Variants in HHAT observed in about 807,000 individuals in gnomAD.
HHAT encodes the protein protein-cysteine N-palmitoyltransferase HHAT.
HHAT carries 47 observed loss-of-function variants against 70.8 expected under a neutral mutation model. The ratio of observed to expected loss-of-function variants is 0.66; its 90% confidence interval spans 0.53 to 0.85. HHAT has a LOEUF of 0.85. Ranked by LOEUF, HHAT falls within the 40% of genes least tolerant of loss-of-function variation. The pLI is 0.00. For synonymous variants in HHAT, 228 were observed against 247.6 expected, an observed-to-expected ratio of 0.92 and a Z score of 0.74; for missense variants, 609 against 604.8, an observed-to-expected ratio of 1.01 and a Z score of -0.07.
chr1:210,579,698 A>T (rs1658758043), intron 9 of HHAT, among the ~76,000 whole-genome samples: 1 of 152,196 alleles, frequency 6.6e-6, no homozygotes, highest in Non-Finnish European at 1.5e-5. Context: ...CCAAGGTCAC[A>T]TCTTCTAGCT....
intron 3 of HHAT, among the ~76,000 whole-genome samples, chr1:210,382,952 C>A (rs1435113412): frequency 1.3e-5 from 2 of 150,970 alleles, no homozygotes; most frequent in Non-Finnish European, 2.9e-5. Flanking sequence ...CTGCCCCTTA[C>A]TAGGTTTGGA....
At position 210,362,939 on chromosome 1, in the gene HHAT, TA is replaced by T. The variant is rs780241617; in HGVS notation, c.159+23del. 3 of 1,556,038 alleles carry T rather than the reference TA, an allele frequency of 1.9e-6. No individual in the cohort carries two copies. Among genetic ancestry groups the T allele is most frequent in the South Asian group, 1.1e-5 (1 of 89,618 alleles). ...AAGAAGGTACAAAGTGGATGCATAA[TA>T]AATCTCAGTTTTCAAACCTGATTTC... On this transcript the variant is annotated intron_variant, in intron 3 of 11. Coordinates refer to ENST00000261458, the MANE Select transcript of HHAT (RefSeq NM_018194.6).
chr1:210,565,483 G>A lies in HHAT; in HGVS notation c.1044-22415G>A, dbSNP rs749095876. ...AATATATGGTTAGGAAAACAATGTGGCATTCCTAGTCTGTTCTTCATTATT... is the reference window on the plus strand; with the variant it reads ...AATATATGGTTAGGAAAACAATGTGACATTCCTAGTCTGTTCTTCATTATT... On this transcript the variant is annotated intron_variant, in intron 9 of 11. Coordinates refer to ENST00000261458, the MANE Select transcript of HHAT (RefSeq NM_018194.6). Among the ~76,000 whole-genome samples the A allele has an allele frequency of 2.6e-5, 4 of 152,274 alleles. No homozygotes were observed. In the South Asian group the frequency reaches 6.2e-4, roughly 24 times the overall value.
intron 9 of HHAT, among the ~76,000 whole-genome samples, chr1:210,542,131 A>G (rs993284582): frequency 5.9e-5 from 9 of 152,312 alleles, no homozygotes; most frequent in Non-Finnish European, 8.8e-5. Flanking sequence ...GTGAAATTCA[A>G]ACTGTTTCAA....
At chr1:210,391,877 T>C (rs1381795083) in intron 4 of HHAT, among the ~76,000 whole-genome samples, 6 of 152,104 alleles carry the variant, frequency 3.9e-5, no homozygotes, top group East Asian at 3.9e-4. Flanking sequence ...GATTTTTTTT[T>C]CCCCCCTTTA....
intron 11 of HHAT, among the ~76,000 whole-genome samples, chr1:210,637,855 T>A: frequency 7.2e-5 from 2 of 27,640 alleles, no homozygotes; most frequent in Non-Finnish European, 1.1e-4. Flanking sequence ...TGAGACTCCG[T>A]CTCAAAAAAA....
At chr1:210,545,025 C>A (rs1393491664) in intron 9 of HHAT, among the ~76,000 whole-genome samples, 1 of 152,000 alleles carries the variant, frequency 6.6e-6, no homozygotes, top group Non-Finnish European at 1.5e-5. Context: ...ATCTAGTCAA[C>A]ATCCACATGT....
intron 10 of HHAT, among the ~76,000 whole-genome samples, chr1:210,599,383 A>G (rs1297868014): frequency 1.3e-5 from 2 of 152,078 alleles, no homozygotes; most frequent in African/African-American, 4.8e-5. Flanking sequence ...CACCTCATAT[A>G]TACAACTGGC....
chr1:210,470,791 T>G (rs144780090), intron 8 of HHAT, among the ~76,000 whole-genome samples: 1 of 152,328 alleles, frequency 6.6e-6, no homozygotes, highest in Non-Finnish European at 1.5e-5. Context: ...GCCACAGATC[T>G]AGAGCCTGAA....
Position 210,638,722 on chromosome 1 carries a change from C to CAAAAAA in HHAT, c.1390+15071_1390+15076dup, listed in dbSNP as rs71146238. On this transcript the variant is annotated intron_variant, in intron 11 of 11. Transcript: ENST00000261458. ...GCAACATAGAGAGACCCTGTATTTA[C>CAAAAAA]AAAAAAAAAAAAAAAAAAAAAAAAT... is the stretch of plus-strand genomic sequence containing the variant. 4.2e-5 allele frequency among the ~76,000 whole-genome samples: 4 copies of CAAAAAA among 95,264 alleles called. 1 individual carries two copies. Among genetic ancestry groups the CAAAAAA allele is most frequent in the South Asian group, 4.2e-4 (1 of 2,406 alleles). 62.5% of individuals were successfully genotyped at this position (95,264 alleles called of 152,430 possible).
intron 7 of HHAT, among the ~76,000 whole-genome samples, chr1:210,420,544 C>CCCTAATGCT (rs1351412968): frequency 6.6e-6 from 1 of 152,032 alleles, no homozygotes; most frequent in Non-Finnish European, 1.5e-5. Flanking sequence ...ATACATTTTG[C>CCCTAATGCT]CCTAATGCTA....
At chr1:210,601,554 G>C (rs1185974040) in intron 10 of HHAT, among the ~76,000 whole-genome samples, 1 of 152,020 alleles carries the variant, frequency 6.6e-6, no homozygotes, top group Non-Finnish European at 1.5e-5. Context: ...AGTCAACGTG[G>C]CTATTCATTT....
intron 7 of HHAT, among the ~76,000 whole-genome samples, chr1:210,421,179 G>A (rs1417592132): frequency 6.6e-6 from 1 of 152,050 alleles, no homozygotes; most frequent in East Asian, 1.9e-4. Context: ...AATAGCCAAA[G>A]CAATCTGAGC....
intron 8 of HHAT, among the ~76,000 whole-genome samples, chr1:210,512,163 C>T (rs2094966035): frequency 1.3e-5 from 2 of 152,134 alleles, no homozygotes; most frequent in Admixed American, 1.3e-4. Context: ...AAGTCAGGCT[C>T]CCCAGCTAGC....
At chr1:210,629,571 AG>A (rs1162097106) in intron 11 of HHAT, among the ~76,000 whole-genome samples, 1 of 152,230 alleles carries the variant, frequency 6.6e-6, no homozygotes, top group African/African-American at 2.4e-5. Context: ...TACAGTTCCG[AG>A]GACCAGAAGT....
At chr1:210,459,858 G>A (rs1345697825) in intron 7 of HHAT, among the ~76,000 whole-genome samples, 1 of 152,194 alleles carries the variant, frequency 6.6e-6, no homozygotes, top group Non-Finnish European at 1.5e-5. Context: ...TCTGTTGGTT[G>A]ACTGTACTTG....
chr1:210,649,784 G>C (rs1308105120), intron 11 of HHAT, among the ~76,000 whole-genome samples: 1 of 152,218 alleles, frequency 6.6e-6, no homozygotes, highest in African/African-American at 2.4e-5. Context: ...TACCGACAGA[G>C]CCAACAATGC....
Position 210,457,945 on chromosome 1 carries a change from G to C in HHAT, c.857-6560G>C, listed in dbSNP as rs12025490. Among the ~76,000 whole-genome samples, 1,195 of 152,070 alleles carry C rather than the reference G, an allele frequency of 7.9e-3. 19 individuals are homozygous for C. Among genetic ancestry groups the C allele is most frequent in the African/African-American group, 0.027 (1,138 of 41,460 alleles). On this transcript the variant is annotated intron_variant, in intron 7 of 11. Coordinates refer to ENST00000261458, the MANE Select transcript of HHAT (RefSeq NM_018194.6). Reference sequence around the variant, plus strand: ...GTAATCTGGCAGACAATATCAGCAAGTACAAAAAGACCTGTAAGGTAATGA... The same window carrying C: ...GTAATCTGGCAGACAATATCAGCAACTACAAAAAGACCTGTAAGGTAATGA...
intron 7 of HHAT, among the ~76,000 whole-genome samples, chr1:210,448,910 A>C (rs3765844): frequency 0.35 from 52,463 of 151,826 alleles, 9,444 homozygotes; most frequent in South Asian, 0.47. Flanking sequence ...TTTATTCCTG[A>C]ACCGCTTCTG....
Sources: gnomAD v4.1 joint callset for allele counts (sites outside exome capture counted in the v4.1 genomes callset) on GRCh38, gnomAD v4.1.1 for gene constraint, MANE v1.5 for transcripts, NCBI Gene and HGNC (gene_info 2026-07-23, HGNC 2026-07-21) for gene names.